Variants in SLC26A3 observed in about 807,000 individuals in gnomAD.
SLC26A3 encodes the protein chloride anion exchanger.
In SLC26A3, 64 loss-of-function variants were observed where a neutral mutation model predicts 85.6. The observed-to-expected ratio is 0.75, with a 90% CI of 0.61 to 0.92. The LOEUF (loss-of-function observed/expected upper bound fraction) is 0.92, where lower values mean the gene tolerates loss of function less well. Among genes scored for constraint, SLC26A3 ranks in the 40% least tolerant of loss-of-function variants. The pLI is 0.00. For synonymous variants in SLC26A3, 349 were observed against 336.0 expected (o/e 1.04, Z -0.42); for missense variants, 922 against 927.3 (o/e 0.99, Z 0.07).
At chr7:107,778,359 A>AATTTTTTT in intron 12 of SLC26A3, 78 bp from the exon 13 acceptor site, 7 of 453,044 alleles carry the variant, frequency 1.5e-5, no homozygotes, top group Non-Finnish European at 2.5e-5. Context: ...TTTTAAAAAG[A>AATTTTTTT]CTTTTTTTTT....
At chr7:107,787,287 C>G in intron 7 of SLC26A3, 70 bp downstream of exon 7, 1 of 1,553,096 alleles carries the variant, frequency 6.4e-7, no homozygotes, top group East Asian at 2.2e-5. Context: ...TCCTGAGCTA[C>G]AAATGGTGAA....
In SLC26A3 at chr7:107,782,789, A is replaced by G; in HGVS notation, c.1311+8T>C. ...AAAAGTAGAGATGCTATCCAAAGAC[A>G]GTGTTACCTTTTGTAGAGGCGCCAG... On this transcript the variant is annotated splice_region_variant and intron_variant, in intron 11 of 20. Coordinates refer to ENST00000340010, the MANE Select transcript of SLC26A3 (RefSeq NM_000111.3). 6.2e-7 allele frequency: 1 copy of G among 1,612,992 alleles called. No homozygotes were observed. Among genetic ancestry groups the G allele is most frequent in the Non-Finnish European group, 8.5e-7 (1 of 1,178,966 alleles).
intron 15 of SLC26A3, 33 bp downstream of exon 15, chr7:107,776,419 C>T: frequency 1.3e-6 from 2 of 1,523,764 alleles, no homozygotes; most frequent in African/African-American, 1.4e-5. Flanking sequence ...AGTAAGATTA[C>T]AAGGAAAAAA....
At chr7:107,792,677 A>C (rs1216813576) in intron 3 of SLC26A3, among the ~76,000 whole-genome samples, 1 of 152,120 alleles carries the variant, frequency 6.6e-6, no homozygotes, top group Non-Finnish European at 1.5e-5. Flanking sequence ...ACGGACCTGT[A>C]CTGGTCTGTG....
rs145837380 is a variant in SLC26A3, at chr7:107,771,795, A to C, written c.2062+259T>G. ...AAGGCTACCTTTTCAGGAAGTTTAG[A>C]GTGAAAAATAGTTAACATGTTCCTC... On this transcript the variant is annotated intron_variant, in intron 18 of 20. Transcript: ENST00000340010. Among the ~76,000 whole-genome samples the C allele has an allele frequency of 3.3e-5, 5 of 152,346 alleles. No homozygotes were observed. The East Asian group carries it at 7.7e-4, about 23-fold the overall frequency.
In SLC26A3 at chr7:107,783,249, T is replaced by C; in HGVS notation, c.1075A>G (p.Ser359Gly). ...VAFAVAFSVA[S>G]VYSLKYDYPL... ...TAATCGTATTTGAGGGAATAGACGC[T>C]GGCAACTGAAAAGGCCACTGCAAAT... Residue 359 changes from serine to glycine, a missense_variant, in exon 9 of 21, where the codon AGC becomes GGC. Coordinates refer to ENST00000340010, the MANE Select transcript of SLC26A3 (RefSeq NM_000111.3). 1 of 1,614,246 alleles carries C rather than the reference T, an allele frequency of 6.2e-7. No individual in the cohort carries two copies. Among genetic ancestry groups the C allele is most frequent in the Non-Finnish European group, 8.5e-7 (1 of 1,180,040 alleles).
intron 11 of SLC26A3, among the ~76,000 whole-genome samples, chr7:107,781,713 C>G (rs1159041212): frequency 6.6e-6 from 1 of 151,952 alleles, no homozygotes; most frequent in Non-Finnish European, 1.5e-5. Flanking sequence ...TGGATTTGGC[C>G]ATTGAGCTTT....
Position 107,789,628 on chromosome 7 carries a change from T to C in SLC26A3, c.631A>G (p.Ser211Gly), listed in dbSNP as rs572627383. Reference protein sequence around the residue: ...VVIYLSESLISGFTTAAAVHV... With the variant: ...VVIYLSESLIGGFTTAAAVHV... Reference sequence around the variant, plus strand: ...ACAGCAGCAGCAGTAGTGAAGCCACTGATGAGGGACTCAGACAGGTATATC... The same window carrying C: ...ACAGCAGCAGCAGTAGTGAAGCCACCGATGAGGGACTCAGACAGGTATATC... Residue 211 changes from serine (S) to glycine (G), a missense_variant, in exon 6 of 21, where the codon AGT becomes GGT. Coordinates refer to ENST00000340010, the MANE Select transcript of SLC26A3 (RefSeq NM_000111.3). 2 of 1,614,130 alleles carry C rather than the reference T, an allele frequency of 1.2e-6. No individual in the cohort carries two copies. Among genetic ancestry groups the C allele is most frequent in the African/African-American group, 1.3e-5 (1 of 75,034 alleles).
At chr7:107,802,107 A>G (rs1286356811) in intron 1 of SLC26A3, among the ~76,000 whole-genome samples, 1 of 151,714 alleles carries the variant, frequency 6.6e-6, no homozygotes, top group Non-Finnish European at 1.5e-5. Context: ...AAAAAAAAAA[A>G]AAAGGAATGA....
chr7:107,789,775 C>T lies in SLC26A3; in HGVS notation c.571-87G>A, dbSNP rs1304532544. 8.6e-6 allele frequency: 12 copies of T among 1,389,722 alleles called. No individual in the cohort carries two copies. The East Asian group carries it at 2.7e-4, about 31-fold the overall frequency. The allele number at this position is 1,389,722 out of a possible 1,614,324, so 86.1% of individuals were successfully genotyped here. A position where few individuals can be genotyped will look rare whatever the true frequency, so the allele number is the denominator to read the frequency against. ...GATCCGCAACTGAAATAATATTACA[C>T]AAAACGTAAAGGCTCAACCTGTATG... On this transcript the variant is annotated intron_variant, in intron 5 of 20. Transcript: ENST00000340010.
intron 1 of SLC26A3, among the ~76,000 whole-genome samples, chr7:107,796,094 C>CTTATTATTA (rs58164632): frequency 1.3e-4 from 20 of 148,776 alleles, no homozygotes; most frequent in Non-Finnish European, 1.9e-4. Context: ...TTATGACTCC[C>CTTATTATTA]TTATTATTAT....
At chr7:107,798,917 T>C (rs1267607490) in intron 1 of SLC26A3, among the ~76,000 whole-genome samples, 1 of 152,040 alleles carries the variant, frequency 6.6e-6, no homozygotes, top group East Asian at 1.9e-4. Context: ...ATAACTATAC[T>C]TGGGGGAGTG....
At chr7:107,789,781 G>A (rs1304950470) in intron 5 of SLC26A3, 93 bp from the exon 6 acceptor site, 14 of 1,339,446 alleles carry the variant, frequency 1.0e-5, no homozygotes, top group Middle Eastern at 1.8e-4. Context: ...TACACAAAAC[G>A]TAAAGGCTCA....
At position 107,790,092 on chromosome 7, in the gene SLC26A3, C is replaced by T. The variant is rs147966024; in HGVS notation, c.571-404G>A. Among the ~76,000 whole-genome samples the T allele has an allele frequency of 1.1e-3, 175 of 152,334 alleles. 1 individual carries two copies. The East Asian group carries it at 0.025, about 22-fold the overall frequency. On this transcript the variant is annotated intron_variant, in intron 5 of 20. Coordinates refer to ENST00000340010, the MANE Select transcript of SLC26A3 (RefSeq NM_000111.3). Reference sequence around the variant, plus strand: ...GTTATACTTTCTAGCTGCTGGAGCACGCATGAGCGAGTGTCTATCCTATTT... The same window carrying T: ...GTTATACTTTCTAGCTGCTGGAGCATGCATGAGCGAGTGTCTATCCTATTT...
In SLC26A3 at chr7:107,783,627, G is replaced by A. The variant is rs538594647; in HGVS notation, c.972-275C>T. Among the ~76,000 whole-genome samples, 5 of 152,322 alleles carry A rather than the reference G, an allele frequency of 3.3e-5. No individual in the cohort carries two copies. In the South Asian group the frequency reaches 6.2e-4, roughly 19 times the overall value. ...CCAGTAAAACCACACTATAATGTGCGTGTGTATTCTTATAAGCTTCCTGCA... is the reference window on the plus strand; with the variant it reads ...CCAGTAAAACCACACTATAATGTGCATGTGTATTCTTATAAGCTTCCTGCA... On this transcript the variant is annotated intron_variant, in intron 8 of 20. Transcript: ENST00000340010.
intron 1 of SLC26A3, among the ~76,000 whole-genome samples, chr7:107,797,882 T>C (rs974528410): frequency 6.6e-6 from 1 of 152,042 alleles, no homozygotes; most frequent in East Asian, 1.9e-4. Context: ...TGCCAGAAAT[T>C]CTTGGAAAAC....
chr7:107,797,676 T>C (rs916978840), intron 1 of SLC26A3, among the ~76,000 whole-genome samples: 4 of 151,472 alleles, frequency 2.6e-5, no homozygotes, highest in African/African-American at 9.7e-5. Flanking sequence ...TGAAGAGATG[T>C]TCCAGATAGT....
At chr7:107,801,477 A>G (rs543010690) in intron 1 of SLC26A3, among the ~76,000 whole-genome samples, 1 of 152,216 alleles carries the variant, frequency 6.6e-6, no homozygotes. Flanking sequence ...CTTGCTTCTC[A>G]ACAAAGTGAC....
intron 18 of SLC26A3, among the ~76,000 whole-genome samples, chr7:107,770,490 T>C (rs1324407814): frequency 6.6e-6 from 1 of 151,896 alleles, no homozygotes; most frequent in Non-Finnish European, 1.5e-5. Context: ...ACGCTGGGGC[T>C]TAAGTGATCT....
Sources: gnomAD v4.1 joint callset for allele counts (sites outside exome capture counted in the v4.1 genomes callset) on GRCh38, gnomAD v4.1.1 for gene constraint, MANE v1.5 for transcripts, NCBI Gene and HGNC (gene_info 2026-07-23, HGNC 2026-07-21) for gene names.